NODAL: variants seen among roughly 807,000 people sequenced by gnomAD.
NODAL encodes the protein nodal growth differentiation factor.
Under a neutral mutation model 34.0 loss-of-function variants are expected in NODAL, and 12 were observed. The observed-to-expected ratio is 0.35, with a 90% CI of 0.23 to 0.57. NODAL has a LOEUF of 0.57. Among genes scored for constraint, NODAL ranks in the 20% least tolerant of loss-of-function variants. NODAL has a pLI of 0.83. For missense variants in NODAL, 390 were observed against 444.2 expected (o/e 0.88, Z 1.10); for synonymous variants, 162 against 186.4 (o/e 0.87, Z 1.07).
At chr10:70,436,356 C>T (rs1460889811) in intron 1 of NODAL, 4 of 336,826 alleles carry the variant, frequency 1.2e-5, no homozygotes, top group African/African-American at 2.1e-5. Context: ...TCTCCCCCTC[C>T]CCTGTCTCCT....
At chr10:70,445,533 C>T (rs971517062), upstream of NODAL, among the ~76,000 whole-genome samples, 1 of 152,238 alleles carries the variant, frequency 6.6e-6, no homozygotes, top group Non-Finnish European at 1.5e-5. Flanking sequence ...GCTGGGATTA[C>T]AGGCATGAGC....
chr10:70,435,018 A>C, intron 2 of NODAL: 1 of 464,898 alleles, frequency 2.2e-6, no homozygotes, highest in Non-Finnish European at 3.9e-6. Flanking sequence ...GTCTACCCCC[A>C]CCCCCTAATT....
chr10:70,440,726 C>G (rs1845419902), intron 1 of NODAL, among the ~76,000 whole-genome samples: 2 of 152,152 alleles, frequency 1.3e-5, no homozygotes, highest in South Asian at 4.1e-4. Flanking sequence ...TCCTTGACAC[C>G]CACTCCCCTG....
chr10:70,435,880 G>T lies in NODAL; in HGVS notation c.297C>A (p.Ser99Arg). 1.2e-6 allele frequency: 2 copies of T among 1,614,154 alleles called. No homozygotes were observed. The highest frequency in any genetic ancestry group is 8.5e-7 in the Non-Finnish European group (1 of 1,180,046). The change falls in exon 2 of 3, where the codon AGC (serine) becomes AGA (arginine). Residue 99 changes from serine to arginine, a missense_variant. Transcript: ENST00000287139. ...AWAELRLQLS[S>R]PVDLPTEGSL... ...AGCCCTCAGTGGGGAGGTCCACAGG[G>T]CTGGACAGCTGCAGCCGGAGCTCAG...
intron 1 of NODAL, among the ~76,000 whole-genome samples, chr10:70,439,515 TC>T (rs1463811021): frequency 6.6e-6 from 1 of 152,150 alleles, no homozygotes; most frequent in East Asian, 1.9e-4. Context: ...TCCTCACTGT[TC>T]CTCTCATCTC....
Position 70,432,491 on chromosome 10 carries a change from T to G in NODAL, c.*445A>C, listed in dbSNP as rs1845278085. 2 of 274,588 alleles carry G rather than the reference T, an allele frequency of 7.3e-6. No homozygotes were observed. The highest frequency in any genetic ancestry group is 1.4e-5 in the Non-Finnish European group (2 of 140,528). The allele number at this position is 274,588 out of a possible 1,614,324, so 17.0% of individuals were successfully genotyped here. ...TTAATCTATACAGTGATCCTTAATC[T>G]TTGGGGAGGGGGACAGGTCACACAC... is the stretch of plus-strand genomic sequence containing the variant. On this transcript the variant is annotated 3_prime_UTR_variant, in exon 3 of 3. Coordinates refer to ENST00000287139, the MANE Select transcript of NODAL (RefSeq NM_018055.5).
At position 70,433,725 on chromosome 10, in the gene NODAL, A is replaced by G. The variant is rs186097079; in HGVS notation, c.892-637T>C. On this transcript the variant is annotated intron_variant, in intron 2 of 2. Coordinates refer to ENST00000287139, the MANE Select transcript of NODAL (RefSeq NM_018055.5). The stretch of plus-strand genomic sequence containing the variant: ...CCACCGTGCCCGGCTGTGAATACCA[A>G]TTTTTAAAATATTCCAAGAAATTCC... Among the ~76,000 whole-genome samples, 14 of 152,264 alleles carry G rather than the reference A, an allele frequency of 9.2e-5. 1 individual carries two copies. Among genetic ancestry groups the G allele is most frequent in the Admixed American group, 3.9e-4 (6 of 15,294 alleles).
intron 1 of NODAL, among the ~76,000 whole-genome samples, chr10:70,439,784 AAC>A (rs1233592279): frequency 2.0e-5 from 3 of 152,260 alleles, no homozygotes; most frequent in Non-Finnish European, 4.4e-5. Context: ...TACACTAAAA[AAC>A]AGTGTTTAGG....
upstream of NODAL, among the ~76,000 whole-genome samples, chr10:70,443,731 C>T (rs866487862): frequency 1.1e-4 from 17 of 151,528 alleles, no homozygotes; most frequent in Admixed American, 9.2e-4. Flanking sequence ...CCCAGCTACT[C>T]GGGAGGCTGA....
In NODAL at chr10:70,432,908, G is replaced by A; in HGVS notation, c.*28C>T. The A allele has an allele frequency of 6.2e-7, 1 of 1,613,324 alleles. No individual in the cohort carries two copies. The highest frequency in any genetic ancestry group is 1.1e-5 in the South Asian group (1 of 91,068). On this transcript the variant is annotated 3_prime_UTR_variant, in exon 3 of 3. Transcript: ENST00000287139. ...AGTTTCCCAGCCTTCCAGAGTGCAG[G>A]CAAATCCAGTCTCCCTCCAGGATGT... is the stretch of plus-strand genomic sequence containing the variant.
At chr10:70,436,836 G>A (rs1487775786) in intron 1 of NODAL, among the ~76,000 whole-genome samples, 9 of 152,196 alleles carry the variant, frequency 5.9e-5, no homozygotes. Flanking sequence ...GCACCCAGAA[G>A]CTTCCAGAAG....
At chr10:70,447,397 G>A (rs950850905) in intron 1 of NODAL, among the ~76,000 whole-genome samples, 8 of 152,046 alleles carry the variant, frequency 5.3e-5, no homozygotes, top group Non-Finnish European at 1.2e-4. Context: ...TCTAAGTAAA[G>A]CATCAGGGCG....
At chr10:70,435,061 C>A (rs1040749178) in intron 2 of NODAL, 6 of 561,400 alleles carry the variant, frequency 1.1e-5, no homozygotes, top group African/African-American at 9.4e-5. Context: ...CCCAGGGAAA[C>A]AATGTGTTCA....
intron 1 of NODAL, among the ~76,000 whole-genome samples, chr10:70,440,635 G>A (rs74573114): frequency 0.061 from 9,251 of 152,226 alleles, 416 homozygotes; most frequent in Non-Finnish European, 0.084. Flanking sequence ...CTCCCTCTCC[G>A]CAGCACCCAC....
chr10:70,447,767 T>C lies in NODAL; in HGVS notation c.28+157A>G, dbSNP rs962165912. ...CAGTGAAGGCCACCAGCCTACCAGA[T>C]TGTGAGCTGCCTAGGAGCAGGGGTG... On this transcript the variant is annotated intron_variant, in intron 1 of 2. Coordinates refer to the NODAL transcript ENST00000414871. 5.3e-5 allele frequency among the ~76,000 whole-genome samples: 8 copies of C among 152,282 alleles called. No individual in the cohort carries two copies. The East Asian group carries it at 1.4e-3, about 26-fold the overall frequency.
In NODAL at chr10:70,432,968, C is replaced by G. The variant is rs200946243; in HGVS notation, c.1012G>C (p.Asp338His). 6.8e-6 allele frequency: 11 copies of G among 1,614,172 alleles called. No homozygotes were observed. The highest frequency in any genetic ancestry group is 9.3e-6 in the Non-Finnish European group (11 of 1,180,032). Residue 338 changes from aspartate (D) to histidine (H), a missense_variant, in exon 3 of 3, where the codon GAC becomes CAC. Asp to His is a moderately conservative substitution (Grantham distance 81). Coordinates refer to ENST00000287139, the MANE Select transcript of NODAL (RefSeq NM_018055.5). ...CACCCACATTCTTCCACGATCATGT[C>G]TTTATGGTGATCTAGGAGCACTCTG... ...NGRVLLDHHK[D>H]MIVEECGCL
chr10:70,441,795 G>T, upstream of NODAL: 2 of 1,010,904 alleles, frequency 2.0e-6, no homozygotes, highest in Non-Finnish European at 2.9e-6. Context: ...CCGGAGGGTG[G>T]GGGGCAGAGA....
intron 2 of NODAL, among the ~76,000 whole-genome samples, chr10:70,434,526 C>T (rs2132213925): frequency 6.6e-6 from 1 of 152,318 alleles, no homozygotes; most frequent in African/African-American, 2.4e-5. Context: ...CAACACCCGG[C>T]TGATTTTTGT....
rs567726319 is a variant in NODAL, at chr10:70,440,465, C to A, written c.193+1010G>T. Among the ~76,000 whole-genome samples the A allele has an allele frequency of 3.1e-3, 479 of 152,258 alleles. 6 individuals are homozygous for A. Among genetic ancestry groups the A allele is most frequent in the African/African-American group, 0.011 (437 of 41,572 alleles). On this transcript the variant is annotated intron_variant, in intron 1 of 2. Coordinates refer to ENST00000287139, the MANE Select transcript of NODAL (RefSeq NM_018055.5). ...GCGCGGGAGCGAAGGGCCCCCGGCA[C>A]CAGGTCACAAGGGGCGGGCAGGCGG... is the stretch of plus-strand genomic sequence containing the variant.
Sources: gnomAD v4.1 joint callset for allele counts (sites outside exome capture counted in the v4.1 genomes callset) on GRCh38, gnomAD v4.1.1 for gene constraint, MANE v1.5 for transcripts, NCBI Gene and HGNC (gene_info 2026-07-23, HGNC 2026-07-21) for gene names.